TRRAP: variants seen among roughly 807,000 people sequenced by gnomAD.
TRRAP encodes transformation/transcription domain-associated protein.
Under a neutral mutation model 438.8 loss-of-function variants are expected in TRRAP, and 41 were observed. The observed-to-expected ratio is 0.09, with a 90% CI of 0.07 to 0.12. The LOEUF (loss-of-function observed/expected upper bound fraction) is 0.12. TRRAP is among the 10% of genes least tolerant of loss of function. The pLI is 1.00. For synonymous variants in TRRAP, 1,994 were observed against 1,962.9 expected (o/e 1.02, Z -0.42); for missense variants, 3,122 against 5,055.1 (o/e 0.62, Z 11.60).
At chr7:98,969,143 A>G (rs1792293334) in intron 51 of TRRAP, among the ~76,000 whole-genome samples, 1 of 152,210 alleles carries the variant, frequency 6.6e-6, no homozygotes, top group Non-Finnish European at 1.5e-5. Context: ...TCCTACTGAT[A>G]AGTTTTCTCT....
intron 62 of TRRAP, among the ~76,000 whole-genome samples, chr7:98,988,055 T>G (rs903342178): frequency 5.9e-5 from 9 of 152,252 alleles, no homozygotes; most frequent in African/African-American, 1.9e-4. Flanking sequence ...CACTTGGTCA[T>G]GATGGATAAT....
chr7:98,995,724 G>T, intron 67 of TRRAP, among the ~76,000 whole-genome samples: 1 of 110,950 alleles, frequency 9.0e-6, no homozygotes, highest in East Asian at 2.8e-4. Flanking sequence ...TCCCATCTAC[G>T]CACCCACGTC....
chr7:98,965,350 C>T (rs2116683988), intron 48 of TRRAP, among the ~76,000 whole-genome samples: 1 of 152,300 alleles, frequency 6.6e-6, no homozygotes, highest in African/African-American at 2.4e-5. Context: ...AATCTGGATG[C>T]TGTGTGGGGG....
intron 48 of TRRAP, 47 bp from the exon 49 acceptor site, chr7:98,965,649 A>C: frequency 6.2e-7 from 1 of 1,610,392 alleles, no homozygotes. Context: ...GCCTGTTTAA[A>C]TCAACGTTTA....
intron 21 of TRRAP, among the ~76,000 whole-genome samples, chr7:98,923,482 G>T (rs542072877): frequency 6.6e-6 from 1 of 152,380 alleles, no homozygotes; most frequent in East Asian, 1.9e-4. Flanking sequence ...CCAAGTGCCA[G>T]TGAGTTTCCA....
intron 18 of TRRAP, among the ~76,000 whole-genome samples, chr7:98,912,526 A>G (rs781977859): frequency 6.6e-6 from 1 of 152,218 alleles, no homozygotes; most frequent in Non-Finnish European, 1.5e-5. Flanking sequence ...ATGTCTAAGC[A>G]GTAACTAATT....
chr7:98,921,937 A>C lies in TRRAP; in HGVS notation c.2807A>C (p.Gln936Pro). The change falls in exon 21 of 73, where the codon CAG (glutamine) becomes CCG (proline). Residue 936 changes from glutamine (Q) to proline (P), a missense_variant. Transcript: ENST00000456197. The stretch of plus-strand genomic sequence containing the variant: ...TTTTCCGACTGCAAAGCTTCTCTCC[A>C]GCTCCCCATGGAGAAGGTAAGCTCT... Reference protein sequence around the residue: ...VEFSDCKASLQLPMEKAIETA... With the variant: ...VEFSDCKASLPLPMEKAIETA... 1 of 1,614,212 alleles carries C rather than the reference A, an allele frequency of 6.2e-7. No individual in the cohort carries two copies. Among genetic ancestry groups the C allele is most frequent in the Non-Finnish European group, 8.5e-7 (1 of 1,180,032 alleles).
chr7:98,998,433 G>C (rs1793771295), intron 67 of TRRAP: 1 of 154,828 alleles, frequency 6.5e-6, no homozygotes, highest in African/African-American at 2.4e-5. Context: ...CACAGGAAGA[G>C]TGAATGAATA....
intron 62 of TRRAP, among the ~76,000 whole-genome samples, chr7:98,985,396 G>C (rs989509933): frequency 5.9e-5 from 9 of 152,224 alleles, no homozygotes; most frequent in Admixed American, 5.9e-4. Context: ...AGGATGGCCT[G>C]GGGGCCAGCC....
chr7:98,956,053 T>A lies in TRRAP; in HGVS notation c.5938-93T>A, dbSNP rs933916238. ...GTGTGTATGTTGGGGCTGAGAGGCA[T>A]GTCGGGGGTGTGTGTGTGCACGTGC... On this transcript the variant is annotated intron_variant, in intron 41 of 72. Coordinates refer to ENST00000456197, the MANE Select transcript of TRRAP (RefSeq NM_001375524.1). The surrounding 1 kb of genome is among the most constrained non-coding windows in gnomAD (Gnocchi z 4.5). 4 of 1,446,302 alleles carry A rather than the reference T, an allele frequency of 2.8e-6. No homozygotes were observed. The Admixed American group carries it at 6.4e-5, about 23-fold the overall frequency. 89.6% of individuals were successfully genotyped at this position (1,446,302 alleles called of 1,614,324 possible).
chr7:98,937,304 G>GCACGCGTGTGTGCA, intron 29 of TRRAP, 27 bp downstream of exon 29: 2 of 1,600,174 alleles, frequency 1.2e-6, no homozygotes, highest in Non-Finnish European at 1.7e-6. Flanking sequence ...GCGTGTATGC[G>GCACGCGTGTGTGCA]CACGCGTGTG....
At position 99,012,251 on chromosome 7, in the gene TRRAP, G is replaced by A; in HGVS notation, c.11518G>A (p.Ala3840Thr). The A allele has an allele frequency of 6.2e-7, 1 of 1,614,000 alleles. No individual in the cohort carries two copies. Among genetic ancestry groups the A allele is most frequent in the Non-Finnish European group, 8.5e-7 (1 of 1,179,988 alleles). The stretch of plus-strand genomic sequence containing the variant: ...CATCATGACCCGCCTGCACAACCTC[G>A]CCCAGTTCGAAGGCGGGGAAAGCAA... ...TAIMTRLHNLAQFEGGESKVN... is the reference protein window; with the variant it reads ...TAIMTRLHNLTQFEGGESKVN... Residue 3840 changes from alanine (A) to threonine (T), a missense_variant, in exon 73 of 73, where the codon GCC (alanine) becomes ACC (threonine). Physicochemically the swap from Ala to Thr is moderately conservative, Grantham distance 58 (BLOSUM62 0). Coordinates refer to ENST00000456197, the MANE Select transcript of TRRAP (RefSeq NM_001375524.1). The surrounding 1 kb of genome is among the most constrained non-coding windows in gnomAD (Gnocchi z 5.9).
intron 41 of TRRAP, 55 bp downstream of exon 41, chr7:98,955,359 A>G: frequency 2.0e-6 from 3 of 1,520,022 alleles, no homozygotes; most frequent in Non-Finnish European, 2.7e-6. Context: ...ATTCACTTTG[A>G]ACCTTTACCT....
In TRRAP at chr7:98,893,783, A is replaced by T. The variant is rs781924726; in HGVS notation, c.367-15A>T. The T allele has an allele frequency of 6.2e-7, 1 of 1,610,110 alleles. No individual in the cohort carries two copies. Among genetic ancestry groups the T allele is most frequent in the South Asian group, 1.1e-5 (1 of 90,414 alleles). ...GTCTTCAGAAGTATAACTTTCATTAAATGCTTTTTTTTAGACGGAAAATGA... is the reference window on the plus strand; with the variant it reads ...GTCTTCAGAAGTATAACTTTCATTATATGCTTTTTTTTAGACGGAAAATGA... On this transcript the variant is annotated splice_polypyrimidine_tract_variant and intron_variant, in intron 5 of 72. Coordinates refer to ENST00000456197, the MANE Select transcript of TRRAP (RefSeq NM_001375524.1).
chr7:98,914,694 G>C (rs1223512009), intron 18 of TRRAP, among the ~76,000 whole-genome samples: 1 of 130,612 alleles, frequency 7.7e-6, no homozygotes, highest in Non-Finnish European at 1.6e-5. Context: ...ACTCCAGCCT[G>C]GGAGACAGAG....
intron 25 of TRRAP, 113 bp from the exon 26 acceptor site, chr7:98,931,292 G>A (rs1450246783): frequency 1.9e-5 from 28 of 1,471,828 alleles, no homozygotes; most frequent in African/African-American, 8.4e-5. Context: ...AGCAGCTGGC[G>A]AGAAGGGCAT....
At chr7:98,923,024 T>C (rs1789871841) in intron 21 of TRRAP, among the ~76,000 whole-genome samples, 1 of 152,122 alleles carries the variant, frequency 6.6e-6, no homozygotes, top group Non-Finnish European at 1.5e-5. Context: ...TCCTCAAGCC[T>C]ATGCCTCATC....
At chr7:98,964,448 G>A (rs1792061977) in intron 47 of TRRAP, among the ~76,000 whole-genome samples, 181 bp from the exon 48 acceptor site, 1 of 152,128 alleles carries the variant, frequency 6.6e-6, no homozygotes, top group South Asian at 2.1e-4. Flanking sequence ...TTGAGAATTA[G>A]GAGTGGAAAT....
At position 98,953,244 on chromosome 7, in the gene TRRAP, G is replaced by A. The variant is rs367639791; in HGVS notation, c.5541G>A (p.Val1847=). 6 of 1,613,578 alleles carry A rather than the reference G, an allele frequency of 3.7e-6. No homozygotes were observed. The African/African-American group carries it at 6.7e-5, about 18-fold the overall frequency. Residue 1847 remains valine (V), a synonymous_variant, in exon 40 of 73, where the codon GTG becomes GTA. Coordinates refer to ENST00000456197, the MANE Select transcript of TRRAP (RefSeq NM_001375524.1). ...IYLLQYATLL[V]EHAPHHIHDN... ...TGCTGCAGTACGCCACGCTGCTGGT[G>A]GAGCACGCCCCCCACCACATCCATG...
Sources: allele counts gnomAD v4.1 joint callset (sites outside exome capture counted in the v4.1 genomes callset), GRCh38; gene constraint gnomAD v4.1.1; non-coding constraint Gnocchi (gnomAD v3.1); transcripts MANE v1.5; gene names NCBI Gene and HGNC (gene_info 2026-07-23, HGNC 2026-07-21).